ERBB4: variants seen among roughly 807,000 people sequenced by gnomAD.
ERBB4 encodes erb-b2 receptor tyrosine kinase 4.
Under a neutral mutation model 158.0 loss-of-function variants are expected in ERBB4, and 42 were observed. That is an observed-to-expected ratio of 0.27 (90% CI 0.21 to 0.34). The LOEUF (loss-of-function observed/expected upper bound fraction) is 0.34, where lower values mean the gene tolerates loss of function less well. Ranked by LOEUF, ERBB4 falls within the 10% of genes least tolerant of loss-of-function variation. The pLI, the probability that ERBB4 is intolerant of heterozygous loss-of-function variation, is 1.00. For synonymous variants in ERBB4, 583 were observed against 558.7 expected (o/e 1.04, Z -0.61); for missense variants, 1,333 against 1,624.1 (o/e 0.82, Z 3.08).
chr2:212,517,874 C>A (rs1442369659), intron 1 of ERBB4, among the ~76,000 whole-genome samples: 2 of 151,992 alleles, frequency 1.3e-5, no homozygotes, highest in Non-Finnish European at 2.9e-5. Context: ...CTTTGAGGGG[C>A]CTCCTGCTGG....
intron 20 of ERBB4, among the ~76,000 whole-genome samples, chr2:211,466,872 CCT>C (rs897875528): frequency 4.0e-5 from 6 of 151,120 alleles, no homozygotes; most frequent in South Asian, 2.1e-4. Context: ...TATCAGTTTT[CCT>C]CTCTCTCTCT....
At chr2:211,691,100 T>C (rs1051472722) in intron 12 of ERBB4, among the ~76,000 whole-genome samples, 63 of 152,258 alleles carry the variant, frequency 4.1e-4, no homozygotes, top group African/African-American at 1.4e-3. Context: ...TATTGAAATG[T>C]ATTTGGACAG....
chr2:212,011,617 G>A (rs973374382), intron 2 of ERBB4, among the ~76,000 whole-genome samples: 11 of 152,008 alleles, frequency 7.2e-5, no homozygotes, highest in African/African-American at 2.4e-4. Context: ...AGGTTTGGTG[G>A]TACATGTCTG....
At chr2:212,447,338 A>G (rs2092376812) in intron 1 of ERBB4, among the ~76,000 whole-genome samples, 1 of 152,102 alleles carries the variant, frequency 6.6e-6, no homozygotes, top group African/African-American at 2.4e-5. Flanking sequence ...CATTCCACTT[A>G]ACATTTCCAG....
chr2:212,131,516 T>C (rs2080106916), intron 1 of ERBB4, among the ~76,000 whole-genome samples: 1 of 152,162 alleles, frequency 6.6e-6, no homozygotes, highest in South Asian at 2.1e-4. Flanking sequence ...ACAACAGTTA[T>C]TCCATTGAAT....
At chr2:211,443,587 CA>C in intron 20 of ERBB4, among the ~76,000 whole-genome samples, 1 of 152,148 alleles carries the variant, frequency 6.6e-6, no homozygotes, top group South Asian at 2.1e-4. Flanking sequence ...ATCATAAAAA[CA>C]GTTCTAAAGG....
At chr2:212,489,895 T>A (rs1690178465) in intron 1 of ERBB4, among the ~76,000 whole-genome samples, 1 of 151,840 alleles carries the variant, frequency 6.6e-6, no homozygotes, top group Non-Finnish European at 1.5e-5. Context: ...ATGCTCCTTT[T>A]TATGGTCACA....
chr2:212,182,748 T>A (rs1446433322), intron 1 of ERBB4, among the ~76,000 whole-genome samples: 1 of 151,940 alleles, frequency 6.6e-6, no homozygotes, highest in African/African-American at 2.4e-5. Context: ...AGTATAAAAA[T>A]TAGACTTGCT....
chr2:212,423,823 G>A (rs548269637), intron 1 of ERBB4, among the ~76,000 whole-genome samples: 91 of 152,250 alleles, frequency 6.0e-4, no homozygotes, highest in Non-Finnish European at 6.9e-4. Context: ...TTCACCTGAT[G>A]AGAGTAGACA....
intron 1 of ERBB4, among the ~76,000 whole-genome samples, chr2:212,238,346 T>C (rs2083955448): frequency 6.6e-6 from 1 of 152,136 alleles, no homozygotes; most frequent in South Asian, 2.1e-4. Context: ...CCTGACCCCA[T>C]ACACTGCTGT....
intron 3 of ERBB4, among the ~76,000 whole-genome samples, chr2:211,898,508 T>C (rs528582288): frequency 1.9e-4 from 29 of 152,326 alleles, no homozygotes; most frequent in African/African-American, 5.8e-4. Context: ...GTAATTTGTA[T>C]AGAAGTAATT....
At chr2:211,945,337 T>C (rs940374214) in intron 3 of ERBB4, among the ~76,000 whole-genome samples, 1 of 152,114 alleles carries the variant, frequency 6.6e-6, no homozygotes, top group Non-Finnish European at 1.5e-5. Flanking sequence ...TCAATGACCC[T>C]AGACTGTTTC....
Position 212,457,174 on chromosome 2 carries a change from C to G in ERBB4, c.82+81275G>C, listed in dbSNP as rs546741048. 2.0e-4 allele frequency among the ~76,000 whole-genome samples: 31 copies of G among 151,998 alleles called. No homozygotes were observed. The South Asian group carries it at 5.8e-3, about 28-fold the overall frequency. The stretch of plus-strand genomic sequence containing the variant: ...TATAAATCATTCCTACACCTATGAA[C>G]CATTTCAGGCTAATAGAGACAGGTG... On this transcript the variant is annotated intron_variant, in intron 1 of 27. Coordinates refer to ENST00000342788, the MANE Select transcript of ERBB4 (RefSeq NM_005235.3).
intron 1 of ERBB4, among the ~76,000 whole-genome samples, chr2:212,279,866 C>G (rs773163998): frequency 6.6e-6 from 1 of 151,392 alleles, no homozygotes; most frequent in African/African-American, 2.4e-5. Flanking sequence ...GAAAAGGATA[C>G]AAAAAGTTGT....
At chr2:211,629,648 A>G (rs1435975370) in intron 17 of ERBB4, among the ~76,000 whole-genome samples, 1 of 152,204 alleles carries the variant, frequency 6.6e-6, no homozygotes, top group Non-Finnish European at 1.5e-5. Flanking sequence ...TTCAAACTAC[A>G]CTACAAGGCT....
chr2:211,559,334 T>G (rs1264857172), intron 20 of ERBB4, among the ~76,000 whole-genome samples: 3 of 152,216 alleles, frequency 2.0e-5, no homozygotes, highest in African/African-American at 7.2e-5. Context: ...TAAATGAGAT[T>G]ATGTCAATTG....
intron 3 of ERBB4, among the ~76,000 whole-genome samples, chr2:211,865,115 C>G (rs908645309): frequency 5.3e-5 from 8 of 151,914 alleles, no homozygotes; most frequent in African/African-American, 1.7e-4. Context: ...TTGCAGACAT[C>G]TACTAAAAAG....
rs1239168575 is a variant in ERBB4 at position 211,788,104 on chromosome 2, G to A, written c.477C>T (p.Asp159=). 18 of 1,611,800 alleles carry A rather than the reference G, an allele frequency of 1.1e-5. No homozygotes were observed. Among genetic ancestry groups the A allele is most frequent in the Non-Finnish European group, 1.5e-5 (18 of 1,178,106 alleles). ...GAACAATATCTTGCCAATGAATGGT[G>A]TCTGCATAACAAAGGAATTTGTTCT... ...VDQNKFLCYA[D]TIHWQDIVRN... The change falls in exon 4 of 28, where the codon GAC becomes GAT. Residue 159 remains aspartate, a synonymous_variant. Transcript: ENST00000342788.
At chr2:211,505,787 C>T (rs937410120) in intron 20 of ERBB4, among the ~76,000 whole-genome samples, 4 of 151,832 alleles carry the variant, frequency 2.6e-5, no homozygotes, top group African/African-American at 7.2e-5. Context: ...GGTGAAACCC[C>T]GTCTCTACTA....
Sources: allele counts gnomAD v4.1 joint callset (sites outside exome capture counted in the v4.1 genomes callset), GRCh38; gene constraint gnomAD v4.1.1; transcripts MANE v1.5; gene names NCBI Gene and HGNC (gene_info 2026-07-23, HGNC 2026-07-21).